DUSP15: variants seen among roughly 807,000 people sequenced by gnomAD.
The protein encoded by DUSP15 is dual specificity protein phosphatase 15.
In DUSP15, 23 loss-of-function variants were observed where a neutral mutation model predicts 26.3. The observed-to-expected ratio is 0.87, with a 90% CI of 0.63 to 1.24. DUSP15 has a LOEUF of 1.24. Among genes scored for constraint, DUSP15 ranks in the 50% most tolerant of loss-of-function variants. The pLI, the probability that DUSP15 is intolerant of heterozygous loss-of-function variation, is 0.00. For missense variants in DUSP15, 364 were observed against 320.6 expected, an observed-to-expected ratio of 1.14 and a Z score of -1.03; for synonymous variants, 143 against 135.5, an observed-to-expected ratio of 1.06 and a Z score of -0.39.
At chr20:31,850,937 G>T (rs919220401) in intron 6 of DUSP15, among the ~76,000 whole-genome samples, 8 of 152,222 alleles carry the variant, frequency 5.3e-5, no homozygotes, top group African/African-American at 1.9e-4. Flanking sequence ...TGGGAGAGGA[G>T]GCCTGTGACT....
At chr20:31,854,267 A>G (rs1207778968) in intron 6 of DUSP15, among the ~76,000 whole-genome samples, 1 of 152,194 alleles carries the variant, frequency 6.6e-6, no homozygotes, top group African/African-American at 2.4e-5. Flanking sequence ...GAAAAGCCAC[A>G]GTTCCTTGTG....
chr20:31,854,006 T>C (rs890096031), intron 6 of DUSP15, among the ~76,000 whole-genome samples: 1 of 152,064 alleles, frequency 6.6e-6, no homozygotes. Context: ...GGGAAAGGTG[T>C]TCCAGTAAAA....
At chr20:31,846,179 T>G (rs1310076931), downstream of DUSP15, among the ~76,000 whole-genome samples, 5 of 123,450 alleles carry the variant, frequency 4.1e-5, no homozygotes, top group African/African-American at 1.6e-4. Flanking sequence ...CACACACACA[T>G]ATACACAGAG....
intron 6 of DUSP15, among the ~76,000 whole-genome samples, chr20:31,853,370 A>G (rs1269208292): frequency 6.6e-6 from 1 of 152,170 alleles, no homozygotes. Flanking sequence ...ACCTATTGTC[A>G]TACACAAAGT....
At chr20:31,868,565 C>T (rs972760538) in intron 2 of DUSP15, among the ~76,000 whole-genome samples, 6 of 150,792 alleles carry the variant, frequency 4.0e-5, no homozygotes, top group Non-Finnish European at 7.4e-5. Context: ...CTGCAACCCC[C>T]GCCTCCCGGG....
At chr20:31,864,464 G>T in intron 4 of DUSP15, 3 of 1,037,846 alleles carry the variant, frequency 2.9e-6, no homozygotes, top group Non-Finnish European at 3.5e-6. Context: ...CCCGTTTTCT[G>T]AGCTCAGTTA....
chr20:31,861,617 A>C lies in DUSP15; in HGVS notation c.494T>G (p.Leu165Trp), dbSNP rs184251613. The C allele has an allele frequency of 3.7e-3, 5,455 of 1,492,718 alleles. 16 individuals are homozygous for C. Among genetic ancestry groups the C allele is most frequent in the Non-Finnish European group, 4.3e-3 (4,906 of 1,129,712 alleles). 92.5% of individuals were successfully genotyped at this position (1,492,718 alleles called of 1,614,324 possible). A position where few individuals can be genotyped will look rare whatever the true frequency, so the allele number is the denominator to read the frequency against. The change falls in exon 7 of 7, where the codon TTG becomes TGG. Residue 165 changes from leucine (L) to tryptophan (W), a missense_variant. Transcript: ENST00000339738. ...CTTGCACAGCGGCAGCAGCGCGCGC[A>C]ACTCCTCCTCGTCGCGGAAGGGGCT... is the stretch of plus-strand genomic sequence containing the variant. ...GESPFRDEEE[L>W]RALLPLCKRC...
At chr20:31,845,607 G>C, downstream of DUSP15, 1 of 1,570,710 alleles carries the variant, frequency 6.4e-7, no homozygotes, top group Non-Finnish European at 8.6e-7. Context: ...GCTGGCGTCC[G>C]GAATAGCCTG....
At chr20:31,867,631 G>GTTTTGTTTTTTTTTTTTTTTT (rs2062797175) in intron 2 of DUSP15, among the ~76,000 whole-genome samples, 5 of 77,646 alleles carry the variant, frequency 6.4e-5, no homozygotes, top group African/African-American at 2.7e-4. Flanking sequence ...TGCCCACAAT[G>GTTTTGTTTTTTTTTTTTTTTT]TTTTTTTTTT....
At chr20:31,863,073 GCT>G (rs1160748708) in intron 5 of DUSP15, among the ~76,000 whole-genome samples, 3 of 99,626 alleles carry the variant, frequency 3.0e-5, no homozygotes, top group Non-Finnish European at 6.0e-5. Flanking sequence ...TTACAGTATG[GCT>G]GGGGGGGGGG....
rs760330574 is a variant in DUSP15 at position 31,867,163 on chromosome 20, A to G, written c.56-10T>C. On this transcript the variant is annotated splice_polypyrimidine_tract_variant and intron_variant, in intron 2 of 6. Transcript: ENST00000339738. ...TCCAGGTCTTTGGCATCTGAAAGAAACAGGATGCTTGAGCCAATCTGGCTG... is the reference window on the plus strand; with the variant it reads ...TCCAGGTCTTTGGCATCTGAAAGAAGCAGGATGCTTGAGCCAATCTGGCTG... 18 of 1,575,860 alleles carry G rather than the reference A, an allele frequency of 1.1e-5. No individual in the cohort carries two copies. The South Asian group carries it at 2.1e-4, about 18-fold the overall frequency.
At chr20:31,851,675 T>C (rs1047534831) in intron 6 of DUSP15, among the ~76,000 whole-genome samples, 4 of 151,908 alleles carry the variant, frequency 2.6e-5, no homozygotes, top group African/African-American at 9.7e-5. Context: ...CTGGAGGTCA[T>C]AGCCAGAGAG....
chr20:31,867,213 C>T lies in DUSP15; in HGVS notation c.56-60G>A, dbSNP rs137894639. On this transcript the variant is annotated intron_variant, in intron 2 of 6. Transcript: ENST00000339738. ...GGCGGGATGTCCTGATGGCCAAGTG[C>T]GGAGGGAGCTCACTGCCTGCCCAGC... The T allele has an allele frequency of 3.7e-4, 536 of 1,465,464 alleles. 2 individuals carry two copies. The African/African-American group carries it at 6.5e-3, about 18-fold the overall frequency. 90.8% of individuals were successfully genotyped at this position (1,465,464 alleles called of 1,614,324 possible).
At position 31,870,331 on chromosome 20, in the gene DUSP15, T is replaced by C; in HGVS notation, c.7A>G (p.Asn3Asp). 1 of 1,272,464 alleles carries C rather than the reference T, an allele frequency of 7.9e-7. No homozygotes were observed. Among genetic ancestry groups the C allele is most frequent in the Non-Finnish European group, 9.9e-7 (1 of 1,010,020 alleles). The allele number at this position is 1,272,464 out of a possible 1,614,324, so 78.8% of individuals were successfully genotyped here. A position where few individuals can be genotyped will look rare whatever the true frequency, so the allele number is the denominator to read the frequency against. The change falls in exon 1 of 7, where the codon AAT becomes GAT. Residue 3 changes from asparagine to aspartate, a missense_variant. Physicochemically the swap from Asn to Asp is conservative, Grantham distance 23 (BLOSUM62 1). Transcript: ENST00000339738. The surrounding 1 kb of genome is among the most constrained non-coding windows in gnomAD (Gnocchi z 6.6). ...CCGCCCCCTACCTTGGTCATGCCAT[T>C]GCCCATGATCCCGGGGGCGGCGGTC... MG[N>D]GMTKVLPGLY...
At chr20:31,853,273 A>G (rs2062505161) in intron 6 of DUSP15, among the ~76,000 whole-genome samples, 2 of 151,904 alleles carry the variant, frequency 1.3e-5, no homozygotes, top group South Asian at 4.1e-4. Context: ...ATGGTTTGTG[A>G]TAAATAAAAG....
chr20:31,865,070 GC>G, intron 3 of DUSP15, 68 bp from the exon 4 acceptor site: 1 of 1,569,192 alleles, frequency 6.4e-7, no homozygotes, highest in Non-Finnish European at 8.8e-7. Flanking sequence ...GGTCCGAGCT[GC>G]CCAGGCAGGG....
rs779196747 is a variant in DUSP15, at chr20:31,864,982, G to A, written c.159C>T (p.Ile53=). The A allele has an allele frequency of 8.1e-6, 13 of 1,614,128 alleles. No homozygotes were observed. The highest frequency in any genetic ancestry group is 1.6e-4 in the Middle Eastern group (1 of 6,062). The change falls in exon 4 of 7, where the codon ATC becomes ATT. Residue 53 remains isoleucine (I), a synonymous_variant. Transcript: ENST00000339738. ...PLLQDITYLR[I]PVADTPEVPI... is the part of the protein sequence containing the mutation. ...GTACCTCAGGGGTATCAGCGACCGG[G>A]ATGCGAAGGTAGGTGATATCCTGCA...
chr20:31,864,304 G>C, intron 4 of DUSP15: 1 of 1,122,804 alleles, frequency 8.9e-7, no homozygotes, highest in Non-Finnish European at 1.1e-6. Context: ...GGAAACACAG[G>C]GGTCCCACTC....
At chr20:31,861,063 C>T (rs1324516600), downstream of DUSP15, 5 of 1,121,922 alleles carry the variant, frequency 4.5e-6, no homozygotes, top group Non-Finnish European at 5.4e-6. Flanking sequence ...CTGGGAGGCA[C>T]TCGGACAGGC....
Sources: allele counts gnomAD v4.1 joint callset (sites outside exome capture counted in the v4.1 genomes callset), GRCh38; gene constraint gnomAD v4.1.1; non-coding constraint Gnocchi (gnomAD v3.1); transcripts MANE v1.5; gene names NCBI Gene and HGNC (gene_info 2026-07-23, HGNC 2026-07-21).